Variants in NEDD9 observed in about 807,000 individuals in gnomAD.
NEDD9 encodes the protein neural precursor cell expressed, developmentally down-regulated 9, also known as enhancer of filamentation 1.
In NEDD9, 26 loss-of-function variants were observed where a neutral mutation model predicts 76.6. The ratio of observed to expected loss-of-function variants is 0.34; its 90% CI spans 0.25 to 0.47. The LOEUF is 0.47. Ranked by LOEUF, NEDD9 falls within the 20% of genes least tolerant of loss-of-function variation. The pLI is 1.00. For missense variants in NEDD9, 937 were observed against 1,058.5 expected, an observed-to-expected ratio of 0.89 and a Z score of 1.59; for synonymous variants, 392 against 414.2, an observed-to-expected ratio of 0.95 and a Z score of 0.65.
In NEDD9 at chr6:11,206,379, A is replaced by G. The variant is rs544620702; in HGVS notation, c.459+6902T>C. Among the ~76,000 whole-genome samples, 11 of 152,346 alleles carry G rather than the reference A, an allele frequency of 7.2e-5. No individual in the cohort carries two copies. In the East Asian group the frequency reaches 2.1e-3, roughly 29 times the overall value. On this transcript the variant is annotated intron_variant, in intron 2 of 6. Transcript: ENST00000379446. The stretch of plus-strand genomic sequence containing the variant: ...GGTTGCAGTGAGCCAAGATTGCGCC[A>G]TTGCATTCCAGCCTGGACAACAAGA...
intron 1 of NEDD9, among the ~76,000 whole-genome samples, chr6:11,354,555 G>C (rs1430524907): frequency 6.6e-6 from 1 of 152,050 alleles, no homozygotes; most frequent in South Asian, 2.1e-4. Flanking sequence ...GCTGTTGCCC[G>C]TGCATCAGCC....
intron 2 of NEDD9, among the ~76,000 whole-genome samples, chr6:11,196,291 G>A (rs1423854471): frequency 6.6e-6 from 1 of 152,150 alleles, no homozygotes; most frequent in African/African-American, 2.4e-5. Context: ...GTGACAGAGA[G>A]AGACTCTGTC....
chr6:11,248,799 C>T, intron 3 of NEDD9: 1 of 261,132 alleles, frequency 3.8e-6, no homozygotes, highest in Admixed American at 4.5e-5. Context: ...ACTGAGGCCC[C>T]ACCTTGGCCC....
At chr6:11,376,873 G>A (rs2113577888) in intron 1 of NEDD9, among the ~76,000 whole-genome samples, 1 of 152,358 alleles carries the variant, frequency 6.6e-6, no homozygotes, top group Middle Eastern at 3.4e-3. Flanking sequence ...AGGCTTAGGA[G>A]AAAAGAATGG....
At chr6:11,193,497 A>C (rs16871072) in intron 3 of NEDD9, 94 bp downstream of exon 3, 70,041 of 845,412 alleles carry the variant, frequency 0.083, 4,739 homozygotes, top group Admixed American at 0.29. Context: ...ACATATATTA[A>C]TGCATAATTT....
chr6:11,291,905 T>C lies in NEDD9; in HGVS notation c.12+14087A>G, dbSNP rs529219704. On this transcript the variant is annotated intron_variant, in intron 3 of 3. Coordinates refer to the NEDD9 transcript ENST00000397378. The stretch of plus-strand genomic sequence containing the variant: ...TCCAACTAAAGGGCTTACTCATCCC[T>C]GCACTTGTGATGTCTGCATGGAGAT... Among the ~76,000 whole-genome samples, 39 of 152,346 alleles carry C rather than the reference T, an allele frequency of 2.6e-4. No individual in the cohort carries two copies. The South Asian group carries it at 7.7e-3, about 30-fold the overall frequency.
intron 1 of NEDD9, among the ~76,000 whole-genome samples, chr6:11,360,504 T>C (rs1762659611): frequency 6.6e-6 from 1 of 152,118 alleles, no homozygotes; most frequent in Non-Finnish European, 1.5e-5. Flanking sequence ...GATTGTATCA[T>C]GGGGGCAGAT....
intron 3 of NEDD9, among the ~76,000 whole-genome samples, chr6:11,261,282 A>G (rs1262196621): frequency 6.6e-6 from 1 of 152,236 alleles, no homozygotes; most frequent in East Asian, 1.9e-4. Flanking sequence ...AAGCTAAGTC[A>G]GGGAAGTTAT....
chr6:11,236,393 C>T (rs1334207723), upstream of NEDD9, among the ~76,000 whole-genome samples: 4 of 152,352 alleles, frequency 2.6e-5, no homozygotes, highest in East Asian at 7.7e-4. The surrounding 1 kb of genome is among the most constrained non-coding windows in gnomAD (Gnocchi z 5.5). Context: ...GATTTTCCAG[C>T]TGCAACTGGG....
Position 11,185,032 on chromosome 6 carries a change from A to G in NEDD9, c.*130T>C. ...TGAATTTCTGAAAGTTGACTGACCC[A>G]TAAAATGTTAAAATATTTCATTTTT... On this transcript the variant is annotated 3_prime_UTR_variant, in exon 7 of 7. Transcript: ENST00000379446. 8.2e-7 allele frequency: 1 copy of G among 1,221,924 alleles called. No homozygotes were observed. The highest frequency in any genetic ancestry group is 1.1e-6 in the Non-Finnish European group (1 of 911,876). 75.7% of individuals were successfully genotyped at this position (1,221,924 alleles called of 1,614,324 possible).
intron 1 of NEDD9, among the ~76,000 whole-genome samples, chr6:11,347,905 C>T (rs1365526544): frequency 6.6e-6 from 1 of 152,198 alleles, no homozygotes; most frequent in Non-Finnish European, 1.5e-5. Context: ...CCCTCTCTCA[C>T]CACTCCTATG....
Position 11,183,693 on chromosome 6 carries a change from C to G in NEDD9, c.*1469G>C, listed in dbSNP as rs1476157513. 6.6e-6 allele frequency: 1 copy of G among 151,942 alleles called. No homozygotes were observed. The highest frequency in any genetic ancestry group is 1.5e-5 in the Non-Finnish European group (1 of 67,994). 9.4% of individuals were successfully genotyped at this position (151,942 alleles called of 1,614,324 possible). ...GATCATGCATTCTTGTTTTTTAAATCCTTTTCTGTTCCAATGATTTGGTTG... is the reference window on the plus strand; with the variant it reads ...GATCATGCATTCTTGTTTTTTAAATGCTTTTCTGTTCCAATGATTTGGTTG... On this transcript the variant is annotated 3_prime_UTR_variant, in exon 7 of 7. Transcript: ENST00000379446.
chr6:11,290,563 A>G (rs1760741679), intron 3 of NEDD9, among the ~76,000 whole-genome samples: 1 of 152,210 alleles, frequency 6.6e-6, no homozygotes, highest in Non-Finnish European at 1.5e-5. Flanking sequence ...TTGCCCTGGA[A>G]CTGCGGGTTT....
chr6:11,190,979 A>G lies in NEDD9; in HGVS notation c.890T>C (p.Leu297Pro), dbSNP rs763730770. 1.9e-6 allele frequency: 3 copies of G among 1,614,016 alleles called. No individual in the cohort carries two copies. The highest frequency in any genetic ancestry group is 1.3e-5 in the African/African-American group (1 of 74,966). The change falls in exon 5 of 7, where the codon CTG (leucine) becomes CCG (proline). Residue 297 changes from leucine to proline, a missense_variant. Physicochemically the swap from Leu to Pro is moderately conservative, Grantham distance 98 (BLOSUM62 -3). Transcript: ENST00000379446. The surrounding 1 kb of genome is among the most constrained non-coding windows in gnomAD (Gnocchi z 5.8). The part of the protein sequence containing the change: ...AEPVARRHQS[L>P]SPNHPPPQLG... ...TTGCGGGGGTGGGTGATTCGGGGAC[A>G]GGCTCTGGTGCCTTCGAGCCACCGG...
At chr6:11,307,865 G>T (rs982507760) in intron 2 of NEDD9, among the ~76,000 whole-genome samples, 2 of 151,896 alleles carry the variant, frequency 1.3e-5, no homozygotes, top group South Asian at 2.1e-4. Context: ...CCCATGCACC[G>T]GGGTCTCTGT....
chr6:11,285,976 G>A (rs529185166), intron 3 of NEDD9, among the ~76,000 whole-genome samples: 52 of 152,130 alleles, frequency 3.4e-4, no homozygotes, highest in Non-Finnish European at 6.9e-4. Context: ...ATCCATAAAA[G>A]AAAAAATTAA....
chr6:11,188,385 G>A, intron 5 of NEDD9, 78 bp from the exon 6 acceptor site: 1 of 1,196,688 alleles, frequency 8.4e-7, no homozygotes, highest in Non-Finnish European at 1.2e-6. Flanking sequence ...TGACGGATGA[G>A]TAAATACTCT....
intron 1 of NEDD9, among the ~76,000 whole-genome samples, chr6:11,335,101 G>T (rs1762128688): frequency 6.8e-6 from 1 of 147,164 alleles, no homozygotes; most frequent in Non-Finnish European, 1.5e-5. Context: ...CTCGGTAAGT[G>T]GGTGCCTCAT....
chr6:11,200,284 G>T (rs944833554), intron 2 of NEDD9: 17 of 458,124 alleles, frequency 3.7e-5, no homozygotes, highest in Middle Eastern at 3.2e-4. Flanking sequence ...TGCACAGGCT[G>T]AAGACATCAG....
Sources: allele counts gnomAD v4.1 joint callset (sites outside exome capture counted in the v4.1 genomes callset), GRCh38; gene constraint gnomAD v4.1.1; non-coding constraint Gnocchi (gnomAD v3.1); transcripts MANE v1.5; gene names NCBI Gene and HGNC (gene_info 2026-07-23, HGNC 2026-07-21).